Variants in ARMCX5 observed in about 807,000 individuals in gnomAD.
ARMCX5 encodes the protein armadillo repeat-containing X-linked protein 5.
In ARMCX5, 1 loss-of-function variant was observed where a neutral mutation model predicts 7.5. The ratio of observed to expected loss-of-function variants is 0.13; its 90% CI spans 0.05 to 0.63. The LOEUF (loss-of-function observed/expected upper bound fraction) is 0.63, where lower values mean the gene tolerates loss of function less well. Ranked by LOEUF, ARMCX5 falls within the 30% of genes least tolerant of loss-of-function variation. The pLI is 0.86. For synonymous variants in ARMCX5, 149 were observed against 145.7 expected (o/e 1.02, Z -0.16); for missense variants, 346 against 402.2 (o/e 0.86, Z 1.19).
Position 102,603,381 on chromosome X carries a change from C to G in ARMCX5, c.1240C>G (p.Leu414Val). 8.3e-7 allele frequency: 1 copy of G among 1,210,823 alleles called. No individual in the cohort carries two copies. The highest frequency in any genetic ancestry group is 1.8e-5 in the South Asian group (1 of 56,856). Residue 414 changes from leucine to valine, a missense_variant, in exon 4 of 4, where the codon CTG (leucine) becomes GTG (valine). Coordinates refer to ENST00000473968, the MANE Select transcript of ARMCX5 (RefSeq NM_001168478.2). Reference protein sequence around the residue: ...PLNSPVQLAGLKLLGHLSIKF... With the variant: ...PLNSPVQLAGVKLLGHLSIKF... ...GAACTCCCCTGTGCAGCTGGCTGGA[C>G]TGAAATTACTAGGGCACTTGAGTAT... is the stretch of plus-strand genomic sequence containing the variant.
In ARMCX5 at chrX:102,602,822, C is replaced by G. The variant is rs146343503; in HGVS notation, c.681C>G (p.Ala227=). 3.3e-6 allele frequency: 4 copies of G among 1,208,727 alleles called. No homozygotes were observed. In the African/African-American group the frequency reaches 7.0e-5, roughly 21 times the overall value. ...AAAAGGTAATAGCATGGTCAAGGGC[C>G]AGGTATATTGTCCTAGTTCCAGTTG... ...IKQKVIAWSR[A]RYIVLVPVEG... Residue 227 remains alanine (A), a synonymous_variant, in exon 4 of 4, where the codon GCC becomes GCG. Transcript: ENST00000473968.
At chrX:102,601,237 T>G (rs2081037271) in intron 2 of ARMCX5, 1 of 111,543 alleles carries the variant, frequency 9.0e-6, no homozygotes, top group Non-Finnish European at 1.9e-5. Flanking sequence ...CGCTTGAACC[T>G]AGTCTAATCT....
chrX:102,601,060 G>A (rs1307550235), intron 2 of ARMCX5, 28 bp downstream of exon 2: 1 of 111,690 alleles, frequency 9.0e-6, no homozygotes, highest in Non-Finnish European at 1.9e-5. Context: ...GGGACAGGGG[G>A]GCAACTTCGA....
At position 102,602,006 on chromosome X, in the gene ARMCX5, C is replaced by T. The variant is rs1305892421; in HGVS notation, c.-136C>T. 2.0e-4 allele frequency: 105 copies of T among 538,345 alleles called. No individual in the cohort carries two copies. The East Asian group carries it at 3.4e-3, about 17-fold the overall frequency. 44.4% of individuals were successfully genotyped at this position (538,345 alleles called of 1,213,427 possible). ...AGCTTCCTCTGCATGTTTTCTATAT[C>T]ACTGGCAGAGCCTGTAGTTGGAAAG... On this transcript the variant is annotated 5_prime_UTR_variant, in exon 4 of 4. Coordinates refer to ENST00000473968, the MANE Select transcript of ARMCX5 (RefSeq NM_001168478.2).
Position 102,603,695 on chromosome X carries a change from T to C in ARMCX5, c.1554T>C (p.Thr518=). The change falls in exon 4 of 4, where the codon ACT becomes ACC. Residue 518 remains threonine, a synonymous_variant. Coordinates refer to ENST00000473968, the MANE Select transcript of ARMCX5 (RefSeq NM_001168478.2). ...AGCTATTTACCAAGGAAAAGTTCAC[T>C]AAATCTGAGCTTATTTCAATATTCC... ...KAKLFTKEKF[T]KSELISIFQE... 1 of 1,204,001 alleles carries C rather than the reference T, an allele frequency of 8.3e-7. No homozygotes were observed. Among genetic ancestry groups the C allele is most frequent in the Non-Finnish European group, 1.1e-6 (1 of 889,110 alleles).
Position 102,601,956 on chromosome X carries a change from C to T in ARMCX5, c.-186C>T. ...CCCTCCACAGGGCTGGGCCCATGCA[C>T]AGCCATCCTTCCCTACCTTGAGTGA... On this transcript the variant is annotated 5_prime_UTR_variant, in exon 4 of 4. Coordinates refer to ENST00000473968, the MANE Select transcript of ARMCX5 (RefSeq NM_001168478.2). 4.4e-6 allele frequency: 2 copies of T among 455,078 alleles called. No homozygotes were observed. Among genetic ancestry groups the T allele is most frequent in the South Asian group, 7.4e-5 (2 of 26,985 alleles). 37.5% of individuals were successfully genotyped at this position (455,078 alleles called of 1,213,427 possible). A position where few individuals can be genotyped will look rare whatever the true frequency, so the allele number is the denominator to read the frequency against.
At chrX:102,601,097 G>A (rs1191800994) in intron 2 of ARMCX5, 65 bp downstream of exon 2, 1 of 111,982 alleles carries the variant, frequency 8.9e-6, no homozygotes, top group Admixed American at 9.5e-5. Flanking sequence ...CTTCTGTTTT[G>A]TCATTTTACC....
At position 102,603,541 on chromosome X, in the gene ARMCX5, G is replaced by C. The variant is rs758896663; in HGVS notation, c.1400G>C (p.Arg467Thr). The change falls in exon 4 of 4, where the codon AGA (arginine) becomes ACA (threonine). Residue 467 changes from arginine to threonine, a missense_variant. Physicochemically the swap from Arg to Thr is moderately conservative, Grantham distance 71. Transcript: ENST00000473968. ...TTGTCTAAAAATCACGCCAATACAA[G>C]AGAATTGATCAGTGCCAAAGTACTG... ...SCLSKNHANT[R>T]ELISAKVLSS... The C allele has an allele frequency of 3.3e-6, 4 of 1,206,726 alleles. No homozygotes were observed. In the African/African-American group the frequency reaches 7.0e-5, roughly 21 times the overall value.
chrX:102,601,951 A>G lies in ARMCX5; in HGVS notation c.-191A>G, dbSNP rs1352111610. The G allele has an allele frequency of 2.2e-6, 1 of 447,775 alleles. No individual in the cohort carries two copies. Among genetic ancestry groups the G allele is most frequent in the East Asian group, 3.7e-5 (1 of 27,236 alleles). 36.9% of individuals were successfully genotyped at this position (447,775 alleles called of 1,213,427 possible). On this transcript the variant is annotated 5_prime_UTR_variant, in exon 4 of 4. The change abolishes an upstream ATG in the 5' untranslated region. Coordinates refer to ENST00000473968, the MANE Select transcript of ARMCX5 (RefSeq NM_001168478.2). ...CACCACCCTCCACAGGGCTGGGCCC[A>G]TGCACAGCCATCCTTCCCTACCTTG...
In ARMCX5 at chrX:102,602,731, A is replaced by G. The variant is rs370774795; in HGVS notation, c.590A>G (p.Tyr197Cys). 8.3e-6 allele frequency: 10 copies of G among 1,208,143 alleles called. No homozygotes were observed. In the African/African-American group the frequency reaches 1.4e-4, roughly 17 times the overall value. Residue 197 changes from tyrosine to cysteine, a missense_variant, in exon 4 of 4, where the codon TAT becomes TGT. Tyr to Cys is a radical substitution (Grantham distance 194). This residue lies in a region of ARMCX5 where 204 missense variants were observed against 244.3 expected (regional missense o/e 0.83). Transcript: ENST00000473968. Reference sequence around the variant, plus strand: ...GAAGAAGAGACCTCTCTTCAAGTTTATAAGCCCCTACCTAAGATCCAGGAA... The same window carrying G: ...GAAGAAGAGACCTCTCTTCAAGTTTGTAAGCCCCTACCTAAGATCCAGGAA... ...WPEEETSLQV[Y>C]KPLPKIQEKP...
At position 102,603,367 on chromosome X, in the gene ARMCX5, T is replaced by G. The variant is rs142617709; in HGVS notation, c.1226T>G (p.Val409Gly). The G allele has an allele frequency of 3.1e-5, 38 of 1,209,046 alleles. No homozygotes were observed. Among genetic ancestry groups the G allele is most frequent in the Non-Finnish European group, 3.9e-5 (35 of 894,721 alleles). Reference sequence around the variant, plus strand: ...ATCTCTTGCCCCTTGAACTCCCCTGTGCAGCTGGCTGGACTGAAATTACTA... The same window carrying G: ...ATCTCTTGCCCCTTGAACTCCCCTGGGCAGCTGGCTGGACTGAAATTACTA... Reference protein sequence around the residue: ...GIISCPLNSPVQLAGLKLLGH... With the variant: ...GIISCPLNSPGQLAGLKLLGH... The change falls in exon 4 of 4, where the codon GTG becomes GGG. Residue 409 changes from valine to glycine, a missense_variant. Around this residue, in one of 3 missense-constraint regions of ARMCX5, gnomAD observed 139 missense variants for 141.1 expected, o/e 0.99. Transcript: ENST00000473968.
chrX:102,603,597 G>C lies in ARMCX5; in HGVS notation c.1456G>C (p.Glu486Gln), dbSNP rs755810411. 1.7e-6 allele frequency: 2 copies of C among 1,186,835 alleles called. No individual in the cohort carries two copies. The highest frequency in any genetic ancestry group is 3.5e-5 in the African/African-American group (2 of 56,467). The change falls in exon 4 of 4, where the codon GAG (glutamate) becomes CAG (glutamine). Residue 486 changes from glutamate (E) to glutamine (Q), a missense_variant. Transcript: ENST00000473968. ...SSLVAPFNKN[E>Q]SKANILNIIE... ...ATTGGTTGCACCCTTTAACAAGAAT[G>C]AGTCAAAGGCCAATATTCTTAATAT...
Position 102,603,472 on chromosome X carries a change from G to T in ARMCX5, c.1331G>T (p.Gly444Val). The stretch of plus-strand genomic sequence containing the variant: ...GATTTCCTCACCTTGTTAAACAAGG[G>T]AAGTGTCAAAACCAAGTTTTATGTT... ...IPDFLTLLNK[G>V]SVKTKFYVLK... The change falls in exon 4 of 4, where the codon GGA (glycine) becomes GTA (valine). Residue 444 changes from glycine to valine, a missense_variant. Physicochemically the swap from Gly to Val is moderately radical, Grantham distance 109. This residue lies in a region of ARMCX5 where 139 missense variants were observed against 141.1 expected (regional missense o/e 0.99). Transcript: ENST00000473968. 8.3e-7 allele frequency: 1 copy of T among 1,208,035 alleles called. No individual in the cohort carries two copies. The highest frequency in any genetic ancestry group is 1.1e-6 in the Non-Finnish European group (1 of 892,420).
In ARMCX5 at chrX:102,602,453, A is replaced by G. The variant is rs2147605227; in HGVS notation, c.312A>G (p.Pro104=). 8.3e-7 allele frequency: 1 copy of G among 1,212,076 alleles called. No individual in the cohort carries two copies. Among genetic ancestry groups the G allele is most frequent in the Non-Finnish European group, 1.1e-6 (1 of 895,545 alleles). Residue 104 remains proline (P), a synonymous_variant, in exon 4 of 4, where the codon CCA becomes CCG. Coordinates refer to ENST00000473968, the MANE Select transcript of ARMCX5 (RefSeq NM_001168478.2). The stretch of plus-strand genomic sequence containing the variant: ...CCCTGGCAGAACGCAGTATAGTGCC[A>G]CAAACCAAGTCAAAGGCCATGCCTA... The part of the protein sequence containing the change: ...TKPLAERSIV[P]QTKSKAMPMS...
rs1307008813 is a variant in ARMCX5 at position 102,602,304 on chromosome X, G to T, written c.163G>T (p.Gly55Cys). Reference sequence around the variant, plus strand: ...AGAATCAGTGACCCAGGCCAAAGCTGGTGATGGAGCAATGACCAGGACACA... The same window carrying T: ...AGAATCAGTGACCCAGGCCAAAGCTTGTGATGGAGCAATGACCAGGACACA... ...KTESVTQAKA[G>C]DGAMTRTHTV... is the part of the protein sequence containing the mutation. The change falls in exon 4 of 4, where the codon GGT becomes TGT. Residue 55 changes from glycine (G) to cysteine (C), a missense_variant. By Grantham distance (159) the Gly-to-Cys change is radical. This residue lies in a region of ARMCX5 where 204 missense variants were observed against 244.3 expected (regional missense o/e 0.83). Transcript: ENST00000473968. The T allele has an allele frequency of 2.5e-6, 3 of 1,211,847 alleles. No individual in the cohort carries two copies.
At chrX:102,599,262 G>A (rs186923749), upstream of ARMCX5, 6 of 111,343 alleles carry the variant, frequency 5.4e-5, no homozygotes, top group East Asian at 1.1e-3. Context: ...GTTCAGGAAA[G>A]AATGGTAGGC....
At position 102,603,967 on chromosome X, in the gene ARMCX5, G is replaced by C. The variant is rs1370144260; in HGVS notation, c.*149G>C. 2.3e-6 allele frequency: 1 copy of C among 441,795 alleles called. No individual in the cohort carries two copies. The highest frequency in any genetic ancestry group is 3.7e-5 in the East Asian group (1 of 27,103). 36.4% of individuals were successfully genotyped at this position (441,795 alleles called of 1,213,427 possible). A position where few individuals can be genotyped will look rare whatever the true frequency, so the allele number is the denominator to read the frequency against. On this transcript the variant is annotated 3_prime_UTR_variant, in exon 4 of 4. Coordinates refer to ENST00000473968, the MANE Select transcript of ARMCX5 (RefSeq NM_001168478.2). ...GGATACCAATTAATCTTGAGATCCT[G>C]AACATGTGCTGATTTTTATTGTGCT...
At position 102,602,407 on chromosome X, in the gene ARMCX5, T is replaced by G; in HGVS notation, c.266T>G (p.Met89Arg). The change falls in exon 4 of 4, where the codon ATG becomes AGG. Residue 89 changes from methionine to arginine, a missense_variant. By Grantham distance (91) the Met-to-Arg change is moderately conservative. Transcript: ENST00000473968. ...KVEDTTKTRVMVETKTKPLAE... is the reference protein window; with the variant it reads ...KVEDTTKTRVRVETKTKPLAE... The stretch of plus-strand genomic sequence containing the variant: ...GAAGATACAACTAAGACTAGAGTCA[T>G]GGTTGAGACTAAGACAAAACCCCTG... The G allele has an allele frequency of 8.3e-7, 1 of 1,211,703 alleles. No individual in the cohort carries two copies. Among genetic ancestry groups the G allele is most frequent in the Non-Finnish European group, 1.1e-6 (1 of 895,428 alleles).
Position 102,602,024 on chromosome X carries a change from T to C in ARMCX5, c.-118T>C. Reference sequence around the variant, plus strand: ...TCTATATCACTGGCAGAGCCTGTAGTTGGAAAGGGGACAGAGTGACTACTG... The same window carrying C: ...TCTATATCACTGGCAGAGCCTGTAGCTGGAAAGGGGACAGAGTGACTACTG... On this transcript the variant is annotated 5_prime_UTR_variant, in exon 4 of 4. Coordinates refer to ENST00000473968, the MANE Select transcript of ARMCX5 (RefSeq NM_001168478.2). 1 of 596,924 alleles carries C rather than the reference T, an allele frequency of 1.7e-6. No individual in the cohort carries two copies. The highest frequency in any genetic ancestry group is 2.7e-6 in the Non-Finnish European group (1 of 371,382). The allele number at this position is 596,924 out of a possible 1,213,427, so 49.2% of individuals were successfully genotyped here. A position where few individuals can be genotyped will look rare whatever the true frequency, so the allele number is the denominator to read the frequency against.
Sources: allele counts gnomAD v4.1 joint callset, GRCh38; gene constraint gnomAD v4.1.1; regional missense constraint gnomAD v4.1.1; transcripts MANE v1.5; gene names NCBI Gene and HGNC (gene_info 2026-07-23, HGNC 2026-07-21).